GET4: variants seen among roughly 807,000 people sequenced by gnomAD.
The protein encoded by GET4 is guided entry of tail-anchored proteins factor 4, also known as Golgi to ER traffic protein 4 homolog.
A neutral mutation model predicts 40.0 loss-of-function variants in GET4; 20 were observed. That is an observed-to-expected ratio of 0.50 (90% confidence interval 0.35 to 0.73). The LOEUF (loss-of-function observed/expected upper bound fraction) is 0.73, where lower values mean the gene tolerates loss of function less well. Ranked by LOEUF, GET4 falls within the 30% of genes least tolerant of loss-of-function variation. The pLI is 0.01. For missense variants in GET4, 557 were observed against 454.0 expected, an observed-to-expected ratio of 1.23 and a Z score of -2.06; for synonymous variants, 280 against 194.6, an observed-to-expected ratio of 1.44 and a Z score of -3.65.
chr7:876,603 C>T lies in GET4; in HGVS notation c.-43C>T. The T allele has an allele frequency of 1.7e-6, 2 of 1,163,494 alleles. No individual in the cohort carries two copies. Among genetic ancestry groups the T allele is most frequent in the Non-Finnish European group, 2.1e-6 (2 of 940,184 alleles). The allele number at this position is 1,163,494 out of a possible 1,614,324, so 72.1% of individuals were successfully genotyped here. On this transcript the variant is annotated 5_prime_UTR_variant, in exon 1 of 9. Coordinates refer to ENST00000265857, the MANE Select transcript of GET4 (RefSeq NM_015949.3). The stretch of plus-strand genomic sequence containing the variant: ...GACGGAAGCCGGGAGGCGCTGCCGA[C>T]CGCGCCTGCGACAGCGTCAGCCCTG...
chr7:890,857 G>GA (rs1844305776), intron 4 of GET4, 71 bp from the exon 5 acceptor site: 1 of 1,241,748 alleles, frequency 8.1e-7, no homozygotes, highest in Admixed American at 1.7e-5. Flanking sequence ...AACATGGAGT[G>GA]TCTTTCCCCC....
intron 1 of GET4, chr7:884,413 C>T (rs1309846587): frequency 7.9e-7 from 1 of 1,262,510 alleles, no homozygotes; most frequent in Non-Finnish European, 1.0e-6. Flanking sequence ...CCCTCCAGAA[C>T]CTTCACTGTG....
chr7:890,877 CTG>C (rs768892023), intron 4 of GET4, 49 bp from the exon 5 acceptor site: 1 of 1,415,138 alleles, frequency 7.1e-7, no homozygotes, highest in Admixed American at 1.7e-5. Context: ...CTTTCCTTTT[CTG>C]TGTTATATTC....
chr7:892,530 G>C, intron 6 of GET4, 112 bp downstream of exon 6: 1 of 1,173,238 alleles, frequency 8.5e-7, no homozygotes, highest in East Asian at 2.4e-5. Flanking sequence ...GGTGTGGGTA[G>C]CCGTGTGGGT....
chr7:884,291 G>A (rs1157143063), intron 1 of GET4: 35 of 1,303,970 alleles, frequency 2.7e-5, no homozygotes, highest in Non-Finnish European at 3.1e-5. Flanking sequence ...TGTGCCAGAC[G>A]GCTCCCGGCC....
Position 886,069 on chromosome 7 carries a change from A to G in GET4, c.169A>G (p.Ser57Gly). 1 of 1,605,850 alleles carries G rather than the reference A, an allele frequency of 6.2e-7. No individual in the cohort carries two copies. The highest frequency in any genetic ancestry group is 8.5e-7 in the Non-Finnish European group (1 of 1,174,182). The change falls in exon 2 of 9, where the codon AGC (serine) becomes GGC (glycine). Residue 57 changes from serine (S) to glycine (G), a missense_variant. Ser to Gly is a moderately conservative substitution (Grantham distance 56). Coordinates refer to ENST00000265857, the MANE Select transcript of GET4 (RefSeq NM_015949.3). ...TCTCTGTGGCAGGTACATGTCCCAG[A>G]GCAAGCACACGGAGGCCCGGGAGCT... Reference protein sequence around the residue: ...RTLFFRYMSQSKHTEARELMY... With the variant: ...RTLFFRYMSQGKHTEARELMY...
chr7:884,207 C>G, intron 1 of GET4: 2 of 1,303,388 alleles, frequency 1.5e-6, no homozygotes, highest in South Asian at 1.2e-5. Context: ...TCGGTGCATG[C>G]GGTTCTGCCC....
intron 1 of GET4, chr7:880,157 C>T (rs1844055178): frequency 1.3e-5 from 2 of 152,292 alleles, no homozygotes; most frequent in South Asian, 2.1e-4. Flanking sequence ...GCCTGGCCAA[C>T]ATGGAGAAAC....
At chr7:878,581 T>G (rs1376945115) in intron 1 of GET4, among the ~76,000 whole-genome samples, 1 of 151,154 alleles carries the variant, frequency 6.6e-6, no homozygotes, top group Admixed American at 6.6e-5. Flanking sequence ...AAACTTTTTT[T>G]TTTTTTTTTT....
intron 8 of GET4, 98 bp downstream of exon 8, chr7:894,069 A>G: frequency 1.5e-6 from 1 of 666,178 alleles, no homozygotes; most frequent in Non-Finnish European, 2.5e-6. Context: ...TTCACGTGGA[A>G]GTGGTTTTCT....
At position 896,168 on chromosome 7, in the gene GET4, T is replaced by G. The variant is rs6820; in HGVS notation, c.*746T>G. The G allele has an allele frequency of 1.3e-5, 2 of 152,162 alleles. No homozygotes were observed. Among genetic ancestry groups the G allele is most frequent in the Admixed American group, 1.3e-4 (2 of 15,294 alleles). The allele number at this position is 152,162 out of a possible 1,614,324, so 9.4% of individuals were successfully genotyped here. On this transcript the variant is annotated 3_prime_UTR_variant, in exon 9 of 9. Coordinates refer to ENST00000265857, the MANE Select transcript of GET4 (RefSeq NM_015949.3). ...CGCAATATTTATTTGTATTGGGTGATGATTGATTCTTTCGACCTAACATTT... is the reference window on the plus strand; with the variant it reads ...CGCAATATTTATTTGTATTGGGTGAGGATTGATTCTTTCGACCTAACATTT...
At chr7:888,814 C>T (rs558181887) in intron 4 of GET4, among the ~76,000 whole-genome samples, 2 of 152,384 alleles carry the variant, frequency 1.3e-5, no homozygotes, top group South Asian at 4.1e-4. Context: ...CTGTGTCCTG[C>T]ATAGCGAACT....
intron 1 of GET4, chr7:879,789 G>A (rs1844046992): frequency 6.6e-6 from 1 of 152,234 alleles, no homozygotes; most frequent in Non-Finnish European, 1.5e-5. Flanking sequence ...GATGCATGAC[G>A]TTTATAGCAA....
In GET4 at chr7:886,574, C is replaced by G; in HGVS notation, c.240C>G (p.Asn80Lys). The part of the protein sequence containing the change: ...ALLFFSHGQQ[N>K]SAADLSMLVL... ...TGTGTTGCTTTCTCTTGTAGCAAAACAGTGCAGCAGACTTGTCCATGCTGG... is the reference window on the plus strand; with the variant it reads ...TGTGTTGCTTTCTCTTGTAGCAAAAGAGTGCAGCAGACTTGTCCATGCTGG... The change falls in exon 3 of 9, where the codon AAC (asparagine) becomes AAG (lysine). Residue 80 changes from asparagine (N) to lysine (K), a missense_variant. Coordinates refer to ENST00000265857, the MANE Select transcript of GET4 (RefSeq NM_015949.3). The G allele has an allele frequency of 6.2e-7, 1 of 1,610,894 alleles. No homozygotes were observed.
chr7:892,520 G>A (rs1441296898), intron 6 of GET4, 102 bp downstream of exon 6: 4 of 1,302,914 alleles, frequency 3.1e-6, no homozygotes, highest in South Asian at 2.6e-5. Context: ...GTGTAGCCAT[G>A]GTGTGGGTAG....
intron 3 of GET4, chr7:887,024 G>A (rs999704009): frequency 1.3e-5 from 7 of 532,676 alleles, no homozygotes; most frequent in Non-Finnish European, 2.1e-5. Context: ...CTGCCTGGCT[G>A]CAAGTCCCAC....
chr7:884,045 G>A (rs969806634), intron 1 of GET4: 2 of 1,170,080 alleles, frequency 1.7e-6, no homozygotes, highest in African/African-American at 3.2e-5. Flanking sequence ...CCCAGAGCAG[G>A]CTCCTCGTGC....
intron 1 of GET4, among the ~76,000 whole-genome samples, chr7:877,708 G>T (rs1481072675): frequency 9.3e-6 from 1 of 107,844 alleles, no homozygotes; most frequent in African/African-American, 3.9e-5. Flanking sequence ...TCCCTGCCCG[G>T]CCTCCCCCTC....
At position 876,662 on chromosome 7, in the gene GET4, CGAT is replaced by C; in HGVS notation, c.19_21del (p.Met7del). 4 of 1,291,508 alleles carry C rather than the reference CGAT, an allele frequency of 3.1e-6. No individual in the cohort carries two copies. Among genetic ancestry groups the C allele is most frequent in the Non-Finnish European group, 4.0e-6 (4 of 1,011,738 alleles). The allele number at this position is 1,291,508 out of a possible 1,614,324, so 80.0% of individuals were successfully genotyped here. A position where few individuals can be genotyped will look rare whatever the true frequency, so the allele number is the denominator to read the frequency against. On this transcript the variant is annotated inframe_deletion, in exon 1 of 9. Transcript: ENST00000265857. Reference sequence around the variant, plus strand: ...GCCGGCCCGATGGCGGCGGCGGCGGCGATGGCCGAGCAGGAGAGCGCCCGGAAC... The same window carrying C: ...GCCGGCCCGATGGCGGCGGCGGCGGCGGCCGAGCAGGAGAGCGCCCGGAAC...
Sources: gnomAD v4.1 joint callset for allele counts (sites outside exome capture counted in the v4.1 genomes callset) on GRCh38, gnomAD v4.1.1 for gene constraint, MANE v1.5 for transcripts, NCBI Gene and HGNC (gene_info 2026-07-23, HGNC 2026-07-21) for gene names.